CCDC7: variants seen among roughly 807,000 people sequenced by gnomAD.
The protein encoded by CCDC7 is coiled-coil domain containing 7.
CCDC7 carries 183 observed loss-of-function variants against 196.9 expected under a neutral mutation model. That is an observed-to-expected ratio of 0.93 (90% CI 0.82 to 1.05). The LOEUF (loss-of-function observed/expected upper bound fraction) is 1.05. Ranked by LOEUF, CCDC7 falls within the 50% of genes least tolerant of loss-of-function variation. CCDC7 has a pLI of 0.00. For synonymous variants in CCDC7, 525 were observed against 484.6 expected, an observed-to-expected ratio of 1.08 and a Z score of -1.10; for missense variants, 1,540 against 1,482.2, an observed-to-expected ratio of 1.04 and a Z score of -0.64.
intron 29 of CCDC7, among the ~76,000 whole-genome samples, chr10:32,798,461 G>A (rs1019822082): frequency 1.3e-5 from 2 of 152,164 alleles, no homozygotes; most frequent in South Asian, 4.1e-4. Context: ...TCCACAGAAC[G>A]GGTCATCCTC....
chr10:32,616,507 T>C lies in CCDC7; in HGVS notation c.1802-17747T>C, dbSNP rs1161598732. On this transcript the variant is annotated intron_variant, in intron 18 of 41. Coordinates refer to ENST00000639629, the Ensembl canonical transcript of CCDC7. ...TGCTTCTGATTTCTGTATATTAATT[T>C]TGCATCCTGAAACTTTTCCGAATTG... Among the ~76,000 whole-genome samples, 4 of 151,892 alleles carry C rather than the reference T, an allele frequency of 2.6e-5. No individual in the cohort carries two copies. In the East Asian group the frequency reaches 7.7e-4, roughly 29 times the overall value.
chr10:32,684,344 G>A (rs1035361991), intron 21 of CCDC7, among the ~76,000 whole-genome samples: 13 of 152,208 alleles, frequency 8.5e-5, no homozygotes, highest in African/African-American at 2.9e-4. Context: ...GAGACTCCAT[G>A]CAGCTTTCTG....
chr10:32,525,578 A>G (rs767548264), intron 11 of CCDC7, among the ~76,000 whole-genome samples: 5 of 152,118 alleles, frequency 3.3e-5, no homozygotes, highest in Non-Finnish European at 7.4e-5. Flanking sequence ...TGGTGAGGTT[A>G]TGTTTTCTTA....
At chr10:32,712,677 A>T (rs370946482) in intron 25 of CCDC7, among the ~76,000 whole-genome samples, 24 of 152,214 alleles carry the variant, frequency 1.6e-4, no homozygotes, top group African/African-American at 5.8e-4. Flanking sequence ...ACATAATTCT[A>T]ACTAATCCTG....
chr10:32,751,019 G>A (rs1277195389), intron 28 of CCDC7, among the ~76,000 whole-genome samples: 1 of 152,068 alleles, frequency 6.6e-6, no homozygotes, highest in Admixed American at 6.6e-5. Context: ...CATTGCCACA[G>A]TTGCCATTTC....
At chr10:32,858,199 T>C (rs1222148235) in intron 41 of CCDC7, among the ~76,000 whole-genome samples, 1 of 152,178 alleles carries the variant, frequency 6.6e-6, no homozygotes, top group Non-Finnish European at 1.5e-5. Context: ...ACCTTCACAT[T>C]TGAATACTAC....
chr10:32,834,208 A>G (rs1389870572), intron 32 of CCDC7, among the ~76,000 whole-genome samples: 1 of 152,078 alleles, frequency 6.6e-6, no homozygotes, highest in African/African-American at 2.4e-5. Flanking sequence ...GGCACGTTCT[A>G]CCAGTCCACA....
At chr10:32,782,426 C>T (rs995272092) in intron 29 of CCDC7, among the ~76,000 whole-genome samples, 2 of 152,136 alleles carry the variant, frequency 1.3e-5, no homozygotes, top group African/African-American at 4.8e-5. Flanking sequence ...CGGGGTTTCA[C>T]TATGTTGTCC....
At chr10:32,783,655 G>T (rs995658077) in intron 29 of CCDC7, among the ~76,000 whole-genome samples, 2 of 152,168 alleles carry the variant, frequency 1.3e-5, no homozygotes, top group African/African-American at 4.8e-5. Context: ...CAAGGTGTAG[G>T]TGTAGACCCA....
At chr10:32,659,484 G>T (rs2070753150) in intron 20 of CCDC7, among the ~76,000 whole-genome samples, 1 of 152,114 alleles carries the variant, frequency 6.6e-6, no homozygotes, top group African/African-American at 2.4e-5. Flanking sequence ...GATACTGCAG[G>T]TTCAGTTCTA....
chr10:32,872,124 G>A (rs565166128), intron 41 of CCDC7, among the ~76,000 whole-genome samples: 9 of 152,158 alleles, frequency 5.9e-5, no homozygotes, highest in South Asian at 2.1e-4. Flanking sequence ...TATTAGTTCC[G>A]CTTGGTGCAG....
chr10:32,660,231 C>T (rs1336573525), intron 20 of CCDC7, among the ~76,000 whole-genome samples: 3 of 145,848 alleles, frequency 2.1e-5, no homozygotes, highest in Admixed American at 1.4e-4. Flanking sequence ...CCCACTAACT[C>T]GTCATCTAGC....
chr10:32,663,656 A>T (rs2072003436), intron 20 of CCDC7, among the ~76,000 whole-genome samples: 1 of 152,108 alleles, frequency 6.6e-6, no homozygotes, highest in Non-Finnish European at 1.5e-5. Flanking sequence ...ATTATAATAT[A>T]TACCTTTTTA....
At chr10:32,779,526 G>A (rs984509244) in intron 29 of CCDC7, among the ~76,000 whole-genome samples, 1 of 152,200 alleles carries the variant, frequency 6.6e-6, no homozygotes. Flanking sequence ...ATGTCAAATG[G>A]TGACAAAGAT....
chr10:32,511,515 C>T (rs1237303719), intron 9 of CCDC7: 3 of 1,603,190 alleles, frequency 1.9e-6, no homozygotes, highest in Non-Finnish European at 1.7e-6. Context: ...TTAGGATTAA[C>T]TCCTTGGGTT....
intron 22 of CCDC7, among the ~76,000 whole-genome samples, chr10:32,686,292 GT>G (rs1190864821): frequency 2.6e-5 from 4 of 152,316 alleles, no homozygotes; most frequent in African/African-American, 9.6e-5. Flanking sequence ...CCATGATCAT[GT>G]GCTCAGTATT....
chr10:32,480,510 AATCTTCCTTTTAAT>A (rs2039775670), intron 8 of CCDC7, among the ~76,000 whole-genome samples: 1 of 151,950 alleles, frequency 6.6e-6, no homozygotes, highest in Non-Finnish European at 1.5e-5. Context: ...TTATTGCTAT[AATCTTCCTTTTAAT>A]AACTGCTTTT....
intron 41 of CCDC7, among the ~76,000 whole-genome samples, chr10:32,867,375 A>G (rs2094238678): frequency 6.6e-6 from 1 of 151,600 alleles, no homozygotes; most frequent in Admixed American, 6.6e-5. Flanking sequence ...TTAAATATTT[A>G]TCATGTTTAT....
At chr10:32,634,430 C>G (rs1590875033) in intron 19 of CCDC7, 66 bp downstream of exon 20, 1 of 674,388 alleles carries the variant, frequency 1.5e-6, no homozygotes, top group East Asian at 3.7e-5. Context: ...GGAGTCTCGC[C>G]CTGTCACCCA....
Sources: gnomAD v4.1 joint callset for allele counts (sites outside exome capture counted in the v4.1 genomes callset) on GRCh38, gnomAD v4.1.1 for gene constraint, MANE v1.5 for transcripts, NCBI Gene and HGNC (gene_info 2026-07-23, HGNC 2026-07-21) for gene names.